The following B3GALNT1 variants were observed in gnomAD, a reference collection of about 807,000 sequenced individuals.
B3GALNT1 encodes the protein UDP-GalNAc:beta-1,3-N-acetylgalactosaminyltransferase 1.
Under a neutral mutation model 27.3 loss-of-function variants are expected in B3GALNT1, and 17 were observed. The ratio of observed to expected loss-of-function variants is 0.62; its 90% CI spans 0.43 to 0.94. The LOEUF (loss-of-function observed/expected upper bound fraction) is 0.94. B3GALNT1 is among the 40% of genes least tolerant of loss of function. The pLI is 0.00. For synonymous variants in B3GALNT1, 141 were observed against 144.0 expected (o/e 0.98, Z 0.15); for missense variants, 347 against 390.0 (o/e 0.89, Z 0.93).
chr3:161,086,509 A>G lies in B3GALNT1; in HGVS notation c.246T>C (p.Ile82=), dbSNP rs375343702. Residue 82 remains isoleucine (I), a synonymous_variant, in exon 5 of 5, where the codon ATT becomes ATC. Coordinates refer to ENST00000320474, the MANE Select transcript of B3GALNT1 (RefSeq NM_003781.4). Reference sequence around the variant, plus strand: ...CATCTGAAGGGTGGGAGGTCACCAGAATGACCAGAAATGGATTTTGATGAG... The same window carrying G: ...CATCTGAAGGGTGGGAGGTCACCAGGATGACCAGAAATGGATTTTGATGAG... ...NCSHQNPFLV[I]LVTSHPSDVK... is the part of the protein sequence containing the mutation. 6.2e-7 allele frequency: 1 copy of G among 1,614,042 alleles called. No homozygotes were observed. Among genetic ancestry groups the G allele is most frequent in the Non-Finnish European group, 8.5e-7 (1 of 1,180,042 alleles).
chr3:161,104,065 G>A (rs1312705858), intron 2 of B3GALNT1: 1 of 288,472 alleles, frequency 3.5e-6, no homozygotes, highest in Non-Finnish European at 6.8e-6. Flanking sequence ...TTTCAGGTCT[G>A]GAGTTATCCA....
At position 161,086,293 on chromosome 3, in the gene B3GALNT1, G is replaced by A; in HGVS notation, c.462C>T (p.Asn154=). The change falls in exon 5 of 5, where the codon AAC becomes AAT. Residue 154 remains asparagine (N), a synonymous_variant. Transcript: ENST00000320474. ...IRQDFLDTYN[N]LTLKTIMAFR... ...ATGCCATAATGGTTTTCAAGGTCAGGTTATTATATGTGTCTAAAAAATCTT... is the reference window on the plus strand; with the variant it reads ...ATGCCATAATGGTTTTCAAGGTCAGATTATTATATGTGTCTAAAAAATCTT... The A allele has an allele frequency of 6.2e-7, 1 of 1,614,150 alleles. No homozygotes were observed. The highest frequency in any genetic ancestry group is 8.5e-7 in the Non-Finnish European group (1 of 1,180,026).
rs768777766 is a variant in B3GALNT1, at chr3:161,086,097, G to C, written c.658C>G (p.Gln220Glu). ...TCCTGGTAAGAAATATGGGTTTTTTGGTAAAATCCTCTATAGGAATAATTA... is the reference window on the plus strand; with the variant it reads ...TCCTGGTAAGAAATATGGGTTTTTTCGTAAAATCCTCTATAGGAATAATTA... Reference protein sequence around the residue: ...IDNYSYRGFYQKTHISYQEYP... With the variant: ...IDNYSYRGFYEKTHISYQEYP... Residue 220 changes from glutamine to glutamate, a missense_variant, in exon 5 of 5, where the codon CAA becomes GAA. Coordinates refer to ENST00000320474, the MANE Select transcript of B3GALNT1 (RefSeq NM_003781.4). 1.3e-6 allele frequency: 2 copies of C among 1,597,982 alleles called. No individual in the cohort carries two copies. The highest frequency in any genetic ancestry group is 2.2e-5 in the East Asian group (1 of 44,772).
chr3:161,098,825 A>G (rs375252647), intron 4 of B3GALNT1, among the ~76,000 whole-genome samples: 6 of 152,190 alleles, frequency 3.9e-5, no homozygotes, highest in African/African-American at 1.4e-4. Flanking sequence ...CACAAACACA[A>G]TGACCATCAG....
intron 4 of B3GALNT1, among the ~76,000 whole-genome samples, chr3:161,092,398 A>G (rs1026230292): frequency 6.6e-6 from 1 of 152,182 alleles, no homozygotes; most frequent in Non-Finnish European, 1.5e-5. Flanking sequence ...ACTACACACA[A>G]GAAGTGATGA....
At chr3:161,094,697 T>G (rs1383096653) in intron 4 of B3GALNT1, among the ~76,000 whole-genome samples, 2 of 151,738 alleles carry the variant, frequency 1.3e-5, no homozygotes, top group African/African-American at 4.8e-5. Context: ...AAAAAAAAAT[T>G]TAGAGATGTG....
intron 4 of B3GALNT1, among the ~76,000 whole-genome samples, chr3:161,093,951 G>A (rs1002484425): frequency 2.0e-5 from 3 of 152,326 alleles, no homozygotes; most frequent in Middle Eastern, 3.4e-3. Flanking sequence ...TTAGTGCAAT[G>A]CTGGGTGAAC....
In B3GALNT1 at chr3:161,085,377, A is replaced by G. The variant is rs1721147054; in HGVS notation, c.*382T>C. ...TTGGTAATCCACATAAGATATACAC[A>G]AAACCTTCAAGTGACTACATTGTTC... On this transcript the variant is annotated 3_prime_UTR_variant, in exon 5 of 5. Coordinates refer to ENST00000320474, the MANE Select transcript of B3GALNT1 (RefSeq NM_003781.4). 9.5e-6 allele frequency: 2 copies of G among 209,440 alleles called. No individual in the cohort carries two copies. The highest frequency in any genetic ancestry group is 9.7e-6 in the Non-Finnish European group (1 of 103,482). 13.0% of individuals were successfully genotyped at this position (209,440 alleles called of 1,614,324 possible).
At position 161,085,435 on chromosome 3, in the gene B3GALNT1, C is replaced by A; in HGVS notation, c.*324G>T. ...AAAACTCTACATTGTTTTGTTTTTA[C>A]AGCCTAGTGAGCTTATAACTCAGTA... On this transcript the variant is annotated 3_prime_UTR_variant, in exon 5 of 5. Coordinates refer to ENST00000320474, the MANE Select transcript of B3GALNT1 (RefSeq NM_003781.4). The A allele has an allele frequency of 3.4e-6, 1 of 291,184 alleles. No individual in the cohort carries two copies. Among genetic ancestry groups the A allele is most frequent in the Non-Finnish European group, 6.5e-6 (1 of 154,260 alleles). 18.0% of individuals were successfully genotyped at this position (291,184 alleles called of 1,614,324 possible). A position where few individuals can be genotyped will look rare whatever the true frequency, so the allele number is the denominator to read the frequency against.
intron 1 of B3GALNT1, 23 bp downstream of exon 1, chr3:161,105,212 G>C (rs967011381): frequency 1.3e-5 from 2 of 152,344 alleles, no homozygotes; most frequent in Non-Finnish European, 2.9e-5. Context: ...CGGAGACCCT[G>C]CAGGGCCGCC....
chr3:161,102,568 T>G (rs1265666870), intron 3 of B3GALNT1, among the ~76,000 whole-genome samples: 1 of 152,182 alleles, frequency 6.6e-6, no homozygotes, highest in Non-Finnish European at 1.5e-5. Flanking sequence ...ATACAATTTT[T>G]TATTAGTATA....
intron 2 of B3GALNT1, among the ~76,000 whole-genome samples, chr3:161,103,797 G>T (rs1732758137): frequency 6.6e-6 from 1 of 152,170 alleles, no homozygotes. Flanking sequence ...GCACAATCTC[G>T]GCTCACTGCA....
intron 4 of B3GALNT1, among the ~76,000 whole-genome samples, chr3:161,087,627 T>C (rs1275274260): frequency 6.6e-6 from 1 of 152,162 alleles, no homozygotes; most frequent in Non-Finnish European, 1.5e-5. Context: ...CTAAAACACT[T>C]GCTTTTACAC....
intron 4 of B3GALNT1, among the ~76,000 whole-genome samples, chr3:161,093,008 C>T (rs528342608): frequency 4.6e-5 from 7 of 152,072 alleles, no homozygotes; most frequent in Admixed American, 1.3e-4. Flanking sequence ...CCACCCGCCT[C>T]GGCCTCCCAA....
At position 161,093,370 on chromosome 3, in the gene B3GALNT1, T is replaced by C. The variant is rs35128986; in HGVS notation, c.-34-6582A>G. ...GGCATGTAGATAAATAAGGGCTCAATTGAAGTGGCCTCTGTGTTCATAGCA... is the reference window on the plus strand; with the variant it reads ...GGCATGTAGATAAATAAGGGCTCAACTGAAGTGGCCTCTGTGTTCATAGCA... On this transcript the variant is annotated intron_variant, in intron 4 of 4. Coordinates refer to ENST00000320474, the MANE Select transcript of B3GALNT1 (RefSeq NM_003781.4). 3.1e-3 allele frequency among the ~76,000 whole-genome samples: 477 copies of C among 152,312 alleles called. 3 individuals carry two copies. Among genetic ancestry groups the C allele is most frequent in the African/African-American group, 0.011 (443 of 41,578 alleles).
At chr3:161,092,902 G>C (rs1226638661) in intron 4 of B3GALNT1, among the ~76,000 whole-genome samples, 1 of 151,210 alleles carries the variant, frequency 6.6e-6, no homozygotes, top group African/African-American at 2.4e-5. Context: ...TGGGACTACA[G>C]GTGCTCCACC....
intron 4 of B3GALNT1, among the ~76,000 whole-genome samples, 160 bp from the exon 5 acceptor site, chr3:161,086,948 T>C (rs1018555503): frequency 5.9e-5 from 9 of 152,106 alleles, no homozygotes; most frequent in African/African-American, 2.2e-4. Context: ...TGTAAGCAAA[T>C]AGAAACCAAT....
chr3:161,086,795 G>T lies in B3GALNT1; in HGVS notation c.-34-7C>A. 1 of 1,609,566 alleles carries T rather than the reference G, an allele frequency of 6.2e-7. No homozygotes were observed. Among genetic ancestry groups the T allele is most frequent in the Non-Finnish European group, 8.5e-7 (1 of 1,177,804 alleles). ...AGCACGCGAGCCGAAGGTTCTGGAAGAGTTATCAAAGATTGGGTTAATATT... is the reference window on the plus strand; with the variant it reads ...AGCACGCGAGCCGAAGGTTCTGGAATAGTTATCAAAGATTGGGTTAATATT... On this transcript the variant is annotated splice_polypyrimidine_tract_variant and splice_region_variant and intron_variant, in intron 4 of 4. Transcript: ENST00000320474.
At chr3:161,102,816 G>A (rs952136279) in intron 3 of B3GALNT1, among the ~76,000 whole-genome samples, 5 of 152,130 alleles carry the variant, frequency 3.3e-5, no homozygotes, top group African/African-American at 9.7e-5. Flanking sequence ...TTGTGAAAGG[G>A]ACAAAGACAT....
Sources: allele counts gnomAD v4.1 joint callset (sites outside exome capture counted in the v4.1 genomes callset), GRCh38; gene constraint gnomAD v4.1.1; transcripts MANE v1.5; gene names NCBI Gene and HGNC (gene_info 2026-07-23, HGNC 2026-07-21).